The following FTHL17 variants were observed in gnomAD, a reference collection of about 807,000 sequenced individuals.
FTHL17 encodes ferritin heavy chain like 17.
For synonymous variants in FTHL17, 85 were observed against 76.6 expected (o/e 1.11, Z -0.58); for missense variants, 146 against 156.7 (o/e 0.93, Z 0.37).
At position 31,071,579 on chromosome X, in the gene FTHL17, C is replaced by T. The variant is rs1601890512; in HGVS notation, c.375G>A (p.Lys125=). 1.7e-6 allele frequency: 2 copies of T among 1,209,975 alleles called. No individual in the cohort carries two copies. Among genetic ancestry groups the T allele is most frequent in the Non-Finnish European group, 2.2e-6 (2 of 895,139 alleles). Residue 125 remains lysine, a synonymous_variant, in exon 1 of 1, where the codon AAG becomes AAA. Coordinates refer to ENST00000359202, the MANE Select transcript of FTHL17 (RefSeq NM_031894.3). The part of the protein sequence containing the change: ...LLDLYQLAVE[K]GDPQLCHFLE... ...GGAAGTGGCACAGCTGGGGGTCGCC[C>T]TTCTCCACGGCCAGCTGGTACAGAT...
In FTHL17 at chrX:31,071,341, A is replaced by G. The variant is rs890543619; in HGVS notation, c.*61T>C. The G allele has an allele frequency of 1.1e-5, 10 of 918,954 alleles. No individual in the cohort carries two copies. The Admixed American group carries it at 1.8e-4, about 16-fold the overall frequency. 75.7% of individuals were successfully genotyped at this position (918,954 alleles called of 1,213,427 possible). A position where few individuals can be genotyped will look rare whatever the true frequency, so the allele number is the denominator to read the frequency against. ...AGAACGTTCTGAAAGGGCAACATGC[A>G]CGCCCCGCCTAGTGGCCTGACCCAG... On this transcript the variant is annotated 3_prime_UTR_variant, in exon 1 of 1. Coordinates refer to ENST00000359202, the MANE Select transcript of FTHL17 (RefSeq NM_031894.3).
Position 31,072,021 on chromosome X carries a change from G to T in FTHL17, c.-68C>A. On this transcript the variant is annotated 5_prime_UTR_variant, in exon 1 of 1. Transcript: ENST00000359202. Reference sequence around the variant, plus strand: ...TGCGGTAGCGAGGGCAGCAGCTGAGGTGACAAGAATGGCGGATAGTGAAAG... The same window carrying T: ...TGCGGTAGCGAGGGCAGCAGCTGAGTTGACAAGAATGGCGGATAGTGAAAG... 1 of 916,146 alleles carries T rather than the reference G, an allele frequency of 1.1e-6. No homozygotes were observed. The highest frequency in any genetic ancestry group is 1.5e-6 in the Non-Finnish European group (1 of 645,512). 75.5% of individuals were successfully genotyped at this position (916,146 alleles called of 1,213,427 possible).
chrX:31,071,499 T>C lies in FTHL17; in HGVS notation c.455A>G (p.Tyr152Cys), dbSNP rs2031066343. The C allele has an allele frequency of 1.7e-6, 2 of 1,211,129 alleles. No individual in the cohort carries two copies. The highest frequency in any genetic ancestry group is 1.1e-6 in the Non-Finnish European group (1 of 894,888). ...ACAAATCTTGCGCAGGTTGCTCACG[T>C]AGCCACCCAGCTCTTTGATGGTCTT... ...QVKTIKELGG[Y>C]VSNLRKICSP... is the part of the protein sequence containing the mutation. Residue 152 changes from tyrosine (Y) to cysteine (C), a missense_variant, in exon 1 of 1, where the codon TAC becomes TGC. Coordinates refer to ENST00000359202, the MANE Select transcript of FTHL17 (RefSeq NM_031894.3).
At position 31,071,338 on chromosome X, in the gene FTHL17, T is replaced by C; in HGVS notation, c.*64A>G. 1 of 904,230 alleles carries C rather than the reference T, an allele frequency of 1.1e-6. No individual in the cohort carries two copies. Among genetic ancestry groups the C allele is most frequent in the Non-Finnish European group, 1.6e-6 (1 of 635,129 alleles). 74.5% of individuals were successfully genotyped at this position (904,230 alleles called of 1,213,427 possible). The stretch of plus-strand genomic sequence containing the variant: ...AAGAGAACGTTCTGAAAGGGCAACA[T>C]GCACGCCCCGCCTAGTGGCCTGACC... On this transcript the variant is annotated 3_prime_UTR_variant, in exon 1 of 1. Coordinates refer to ENST00000359202, the MANE Select transcript of FTHL17 (RefSeq NM_031894.3).
In FTHL17 at chrX:31,071,506, C is replaced by T; in HGVS notation, c.448G>A (p.Gly150Ser). ...TTGCGCAGGTTGCTCACGTAGCCAC[C>T]CAGCTCTTTGATGGTCTTGACTTGC... ...HEQVKTIKEL[G>S]GYVSNLRKIC... The change falls in exon 1 of 1, where the codon GGT becomes AGT. Residue 150 changes from glycine to serine, a missense_variant. Coordinates refer to ENST00000359202, the MANE Select transcript of FTHL17 (RefSeq NM_031894.3). The T allele has an allele frequency of 8.3e-7, 1 of 1,211,360 alleles. No individual in the cohort carries two copies. Among genetic ancestry groups the T allele is most frequent in the Non-Finnish European group, 1.1e-6 (1 of 895,151 alleles).
At position 31,071,999 on chromosome X, in the gene FTHL17, G is replaced by A. The variant is rs189619097; in HGVS notation, c.-46C>T. Reference sequence around the variant, plus strand: ...GCGAGCACACGGGCGAAGTCGGTGCGGTAGCGAGGGCAGCAGCTGAGGTGA... The same window carrying A: ...GCGAGCACACGGGCGAAGTCGGTGCAGTAGCGAGGGCAGCAGCTGAGGTGA... On this transcript the variant is annotated 5_prime_UTR_variant, in exon 1 of 1. Coordinates refer to ENST00000359202, the MANE Select transcript of FTHL17 (RefSeq NM_031894.3). The A allele has an allele frequency of 3.2e-5, 33 of 1,032,241 alleles. No homozygotes were observed. In the Admixed American group the frequency reaches 6.1e-4, roughly 19 times the overall value. 85.1% of individuals were successfully genotyped at this position (1,032,241 alleles called of 1,213,427 possible). A position where few individuals can be genotyped will look rare whatever the true frequency, so the allele number is the denominator to read the frequency against.
In FTHL17 at chrX:31,071,411, T is replaced by C. The variant is rs1269739967; in HGVS notation, c.543A>G (p.Lys181=). Residue 181 remains lysine (K), a synonymous_variant, in exon 1 of 1, where the codon AAA becomes AAG. Coordinates refer to ENST00000359202, the MANE Select transcript of FTHL17 (RefSeq NM_031894.3). ...TGGGGCCCATCTGGGCTCAAGTCTC[T>C]TTGACGCGGCCGCCCAGGGTGAGCT... The part of the protein sequence containing the change: ...FDKLTLGGRV[K]ET 2.5e-6 allele frequency: 3 copies of C among 1,208,870 alleles called. No homozygotes were observed. Among genetic ancestry groups the C allele is most frequent in the Non-Finnish European group, 2.2e-6 (2 of 893,803 alleles).
rs187655870 is a variant in FTHL17 at position 31,071,831 on chromosome X, G to T, written c.123C>A (p.Tyr41Ter). 8.3e-7 allele frequency: 1 copy of T among 1,208,833 alleles called. No homozygotes were observed. The highest frequency in any genetic ancestry group is 1.8e-5 in the African/African-American group (1 of 56,973). ...TSYLYLSMAF[Y>*]FNRDDVALEN... Reference sequence around the variant, plus strand: ...CCAGGGCCACGTCGTCCCGGTTGAAGTAGAAGGCCATAGACAGGTACAGGT... The same window carrying T: ...CCAGGGCCACGTCGTCCCGGTTGAATTAGAAGGCCATAGACAGGTACAGGT... The change falls in exon 1 of 1, where the codon TAC becomes TAA. Residue 41 changes from tyrosine to a stop codon, truncating the protein, a stop_gained. Transcript: ENST00000359202. LOFTEE classifies it low-confidence loss of function (END_TRUNC).
rs773874373 is a variant in FTHL17, at chrX:31,071,722, C to T, written c.232G>A (p.Gly78Ser). The T allele has an allele frequency of 8.3e-7, 1 of 1,211,456 alleles. No homozygotes were observed. The change falls in exon 1 of 1, where the codon GGT becomes AGT. Residue 78 changes from glycine (G) to serine (S), a missense_variant. Transcript: ENST00000359202. The part of the protein sequence containing the change: ...QKLMRLQNLR[G>S]GHICLHDIRK... Reference sequence around the variant, plus strand: ...ATATCGTGAAGGCAGATGTGGCCACCGCGCAGGTTCTGCAGCCTCATCAGC... The same window carrying T: ...ATATCGTGAAGGCAGATGTGGCCACTGCGCAGGTTCTGCAGCCTCATCAGC...
rs767876220 is a variant in FTHL17 at position 31,071,855 on chromosome X, G to A, written c.99C>T (p.Tyr33=). ...SHITLELYTS[Y]LYLSMAFYFN... is the part of the protein sequence containing the mutation. ...AGTAGAAGGCCATAGACAGGTACAG[G>A]TAGGAGGTGTAGAGCTCCAGCGTGA... Residue 33 remains tyrosine, a synonymous_variant, in exon 1 of 1, where the codon TAC becomes TAT. Transcript: ENST00000359202. 1 of 1,207,152 alleles carries A rather than the reference G, an allele frequency of 8.3e-7. No individual in the cohort carries two copies. Among genetic ancestry groups the A allele is most frequent in the African/African-American group, 1.8e-5 (1 of 56,879 alleles).
chrX:31,071,933 C>T lies in FTHL17; in HGVS notation c.21G>A (p.Ser7=), dbSNP rs2031075598. 1.7e-6 allele frequency: 2 copies of T among 1,207,134 alleles called. No individual in the cohort carries two copies. The highest frequency in any genetic ancestry group is 2.2e-6 in the Non-Finnish European group (2 of 892,363). Residue 7 remains serine, a synonymous_variant, in exon 1 of 1, where the codon TCG becomes TCA. Coordinates refer to ENST00000359202, the MANE Select transcript of FTHL17 (RefSeq NM_031894.3). MATAQP[S]QVRQKYDTNC... is the part of the protein sequence containing the mutation. ...TGGTGTCGTACTTCTGGCGCACCTG[C>T]GACGGCTGGGCGGTGGCCATGGCGG...
chrX:31,071,688 G>A lies in FTHL17; in HGVS notation c.266C>T (p.Pro89Leu), dbSNP rs1569258222. The change falls in exon 1 of 1, where the codon CCA (proline) becomes CTA (leucine). Residue 89 changes from proline (P) to leucine (L), a missense_variant. Coordinates refer to ENST00000359202, the MANE Select transcript of FTHL17 (RefSeq NM_031894.3). ...CCCGCTCTCCCAGCCTTGGCACTCT[G>A]GCTTCCTGATATCGTGAAGGCAGAT... ...GHICLHDIRK[P>L]ECQGWESGLV... 5.0e-6 allele frequency: 6 copies of A among 1,211,976 alleles called. No homozygotes were observed. In the Admixed American group the frequency reaches 8.7e-5, roughly 18 times the overall value.
rs780819993 is a variant in FTHL17, at chrX:31,071,677, C to T, written c.277G>A (p.Gly93Ser). 1.7e-6 allele frequency: 2 copies of T among 1,212,097 alleles called. No homozygotes were observed. The highest frequency in any genetic ancestry group is 2.2e-6 in the Non-Finnish European group (2 of 895,572). ...LHDIRKPECQ[G>S]WESGLVAMES... ...ATGGCCACGAGCCCGCTCTCCCAGC[C>T]TTGGCACTCTGGCTTCCTGATATCG... Residue 93 changes from glycine (G) to serine (S), a missense_variant, in exon 1 of 1, where the codon GGC (glycine) becomes AGC (serine). Gly to Ser is a moderately conservative substitution (Grantham distance 56). Transcript: ENST00000359202.
chrX:31,072,015 G>A lies in FTHL17; in HGVS notation c.-62C>T. ...AGTCGGTGCGGTAGCGAGGGCAGCA[G>A]CTGAGGTGACAAGAATGGCGGATAG... is the stretch of plus-strand genomic sequence containing the variant. On this transcript the variant is annotated 5_prime_UTR_variant, in exon 1 of 1. Transcript: ENST00000359202. 1 of 942,401 alleles carries A rather than the reference G, an allele frequency of 1.1e-6. No homozygotes were observed. The highest frequency in any genetic ancestry group is 1.5e-6 in the Non-Finnish European group (1 of 667,992). 77.7% of individuals were successfully genotyped at this position (942,401 alleles called of 1,213,427 possible). A position where few individuals can be genotyped will look rare whatever the true frequency, so the allele number is the denominator to read the frequency against.
Position 31,071,914 on chromosome X carries a change from C to G in FTHL17, c.40G>C (p.Asp14His), listed in dbSNP as rs758147339. 1.8e-5 allele frequency: 22 copies of G among 1,206,959 alleles called. No homozygotes were observed. In the Admixed American group the frequency reaches 4.4e-4, roughly 24 times the overall value. ...AQPSQVRQKYDTNCDAAINSH... is the reference protein window; with the variant it reads ...AQPSQVRQKYHTNCDAAINSH... ...TTGATGGCGGCGTCGCAGTTGGTGT[C>G]GTACTTCTGGCGCACCTGCGACGGC... Residue 14 changes from aspartate (D) to histidine (H), a missense_variant, in exon 1 of 1, where the codon GAC becomes CAC. By Grantham distance (81) the Asp-to-His change is moderately conservative. Coordinates refer to ENST00000359202, the MANE Select transcript of FTHL17 (RefSeq NM_031894.3).
chrX:31,071,635 G>A lies in FTHL17; in HGVS notation c.319C>T (p.Leu107=). The change falls in exon 1 of 1, where the codon CTG becomes TTG. Residue 107 remains leucine, a synonymous_variant. Transcript: ENST00000359202. ...GLVAMESAFH[L]EKNVNQSLLD... Reference sequence around the variant, plus strand: ...AGGCTCTGGTTGACGTTCTTCTCCAGGTGGAAGGCGGACTCCATGGCCACG... The same window carrying A: ...AGGCTCTGGTTGACGTTCTTCTCCAAGTGGAAGGCGGACTCCATGGCCACG... 1 of 1,209,634 alleles carries A rather than the reference G, an allele frequency of 8.3e-7. No individual in the cohort carries two copies. Among genetic ancestry groups the A allele is most frequent in the South Asian group, 1.8e-5 (1 of 56,785 alleles).
chrX:31,071,367 G>A lies in FTHL17; in HGVS notation c.*35C>T, dbSNP rs759731703. The A allele has an allele frequency of 8.8e-7, 1 of 1,142,607 alleles. No individual in the cohort carries two copies. The highest frequency in any genetic ancestry group is 2.2e-5 in the Admixed American group (1 of 45,193). 94.2% of individuals were successfully genotyped at this position (1,142,607 alleles called of 1,213,427 possible). A position where few individuals can be genotyped will look rare whatever the true frequency, so the allele number is the denominator to read the frequency against. ...CGCCCCGCCTAGTGGCCTGACCCAG[G>A]GAAGGGACCCCGTGGCTGTGGGGCC... is the stretch of plus-strand genomic sequence containing the variant. On this transcript the variant is annotated 3_prime_UTR_variant, in exon 1 of 1. Coordinates refer to ENST00000359202, the MANE Select transcript of FTHL17 (RefSeq NM_031894.3).
rs191903879 is a variant in FTHL17 at position 31,071,609 on chromosome X, C to T, written c.345G>A (p.Leu115=). 45 of 1,209,947 alleles carry T rather than the reference C, an allele frequency of 3.7e-5. No individual in the cohort carries two copies. In the Admixed American group the frequency reaches 9.8e-4, roughly 26 times the overall value. The part of the protein sequence containing the change: ...FHLEKNVNQS[L]LDLYQLAVEK... ...CCACGGCCAGCTGGTACAGATCCAGCAGGCTCTGGTTGACGTTCTTCTCCA... is the reference window on the plus strand; with the variant it reads ...CCACGGCCAGCTGGTACAGATCCAGTAGGCTCTGGTTGACGTTCTTCTCCA... The change falls in exon 1 of 1, where the codon CTG becomes CTA. Residue 115 remains leucine, a synonymous_variant. Transcript: ENST00000359202.
chrX:31,071,880 A>C lies in FTHL17; in HGVS notation c.74T>G (p.Ile25Ser), dbSNP rs753337169. 1 of 1,201,179 alleles carries C rather than the reference A, an allele frequency of 8.3e-7. No individual in the cohort carries two copies. The highest frequency in any genetic ancestry group is 1.1e-6 in the Non-Finnish European group (1 of 890,353). Residue 25 changes from isoleucine to serine, a missense_variant, in exon 1 of 1, where the codon ATC becomes AGC. By Grantham distance (142) the Ile-to-Ser change is moderately radical. Transcript: ENST00000359202. Reference protein sequence around the residue: ...TNCDAAINSHITLELYTSYLY... With the variant: ...TNCDAAINSHSTLELYTSYLY... ...GTAGGAGGTGTAGAGCTCCAGCGTG[A>C]TGTGGCTGTTGATGGCGGCGTCGCA...
Sources: allele counts gnomAD v4.1 joint callset, GRCh38; gene constraint gnomAD v4.1.1; transcripts MANE v1.5; gene names NCBI Gene and HGNC (gene_info 2026-07-23, HGNC 2026-07-21).